Variants in NCKAP5 observed in about 807,000 individuals in gnomAD.
NCKAP5 encodes nck-associated protein 5.
A neutral mutation model predicts 167.0 loss-of-function variants in NCKAP5; 92 were observed. The ratio of observed to expected loss-of-function variants is 0.55; its 90% confidence interval spans 0.47 to 0.66. The LOEUF (loss-of-function observed/expected upper bound fraction) is 0.66. Ranked by LOEUF, NCKAP5 falls within the 30% of genes least tolerant of loss-of-function variation. NCKAP5 has a pLI of 0.00. For synonymous variants in NCKAP5, 891 were observed against 877.4 expected, an observed-to-expected ratio of 1.02 and a Z score of -0.27; for missense variants, 2,378 against 2,315.0, an observed-to-expected ratio of 1.03 and a Z score of -0.56.
intron 8 of NCKAP5, among the ~76,000 whole-genome samples, chr2:132,889,961 G>C (rs1195058288): frequency 6.6e-6 from 1 of 152,174 alleles, no homozygotes; most frequent in Non-Finnish European, 1.5e-5. Context: ...CAAAAAGAGA[G>C]AGAAAGAGAA....
chr2:133,035,503 T>C lies in NCKAP5; in HGVS notation c.342-41264A>G, dbSNP rs185396981. Among the ~76,000 whole-genome samples the C allele has an allele frequency of 3.2e-3, 492 of 152,196 alleles. 3 individuals carry two copies. Among genetic ancestry groups the C allele is most frequent in the African/African-American group, 0.011 (453 of 41,588 alleles). On this transcript the variant is annotated intron_variant, in intron 6 of 19. Transcript: ENST00000409261. ...GTATCACTCTCAAGGACAGCCCATA[T>C]GTTACGTAACAAAACAAGTCTGAAA...
chr2:132,773,963 A>C (rs531134184), intron 15 of NCKAP5, 69 bp from the exon 16 acceptor site: 1 of 1,302,806 alleles, frequency 7.7e-7, no homozygotes, highest in African/African-American at 1.5e-5. Context: ...CAATCCTCAG[A>C]GTAATGGTAC....
chr2:133,664,796 C>T, the NCKAP5 span, among the ~76,000 whole-genome samples: 1 of 152,152 alleles, frequency 6.6e-6, no homozygotes, highest in African/African-American at 2.4e-5. Context: ...CCGCACCCAG[C>T]CGAAAATCTG....
At chr2:133,548,130 A>G (rs1476497912) in intron 2 of NCKAP5, among the ~76,000 whole-genome samples, 1 of 150,568 alleles carries the variant, frequency 6.6e-6, no homozygotes, top group Non-Finnish European at 1.5e-5. Flanking sequence ...GGGTATCAGC[A>G]ATGGAAGATG....
chr2:133,191,528 T>C (rs1291260752), intron 5 of NCKAP5, among the ~76,000 whole-genome samples: 1 of 152,130 alleles, frequency 6.6e-6, no homozygotes, highest in African/African-American at 2.4e-5. Flanking sequence ...TAAATGTCCA[T>C]GAATGATAGA....
At chr2:133,496,162 G>A (rs933373192) in intron 3 of NCKAP5, among the ~76,000 whole-genome samples, 2 of 152,068 alleles carry the variant, frequency 1.3e-5, no homozygotes, top group Non-Finnish European at 2.9e-5. Context: ...GATTGATTAC[G>A]AAGGGATTAC....
intron 3 of NCKAP5, among the ~76,000 whole-genome samples, chr2:133,477,779 T>C (rs1336304767): frequency 1.3e-5 from 2 of 152,152 alleles, no homozygotes; most frequent in South Asian, 2.1e-4. Context: ...AAGTGACTCA[T>C]GGGTGTGTGG....
chr2:133,327,720 T>C (rs944067313), intron 3 of NCKAP5, among the ~76,000 whole-genome samples: 1 of 152,208 alleles, frequency 6.6e-6, no homozygotes, highest in Non-Finnish European at 1.5e-5. Flanking sequence ...TCTTTGTTAA[T>C]TGCTTCAATA....
At chr2:133,570,555 A>G (rs1285385961), upstream of NCKAP5, among the ~76,000 whole-genome samples, 3 of 152,172 alleles carry the variant, frequency 2.0e-5, no homozygotes, top group African/African-American at 7.2e-5. Flanking sequence ...TTCCCCTTAT[A>G]TTTGAGGACT....
At chr2:133,166,942 G>T (rs1267953846) in intron 5 of NCKAP5, among the ~76,000 whole-genome samples, 2 of 152,098 alleles carry the variant, frequency 1.3e-5, no homozygotes, top group African/African-American at 4.8e-5. Flanking sequence ...TAGATGACAG[G>T]ATTACCTACT....
chr2:133,150,564 C>A (rs867184144), intron 5 of NCKAP5, among the ~76,000 whole-genome samples: 1 of 152,054 alleles, frequency 6.6e-6, no homozygotes, highest in African/African-American at 2.4e-5. Flanking sequence ...TACATTTTTA[C>A]CTCCTAGTTC....
chr2:132,814,464 A>C (rs994183086), intron 11 of NCKAP5, among the ~76,000 whole-genome samples: 1 of 152,196 alleles, frequency 6.6e-6, no homozygotes, highest in Non-Finnish European at 1.5e-5. Context: ...TGCAAAATAC[A>C]TTTCACTAAG....
chr2:133,553,839 G>A (rs552408170), intron 2 of NCKAP5, among the ~76,000 whole-genome samples: 2 of 152,324 alleles, frequency 1.3e-5, no homozygotes, highest in East Asian at 3.9e-4. Context: ...CTATTGCTGT[G>A]TAACAAGTTA....
intron 7 of NCKAP5, among the ~76,000 whole-genome samples, chr2:132,982,795 T>C (rs755194806): frequency 1.3e-5 from 2 of 152,218 alleles, no homozygotes; most frequent in Non-Finnish European, 2.9e-5. Context: ...TACAGGATAA[T>C]GTAGGATAAT....
chr2:133,352,019 A>G (rs1684397265), intron 3 of NCKAP5, among the ~76,000 whole-genome samples: 1 of 151,998 alleles, frequency 6.6e-6, no homozygotes, highest in African/African-American at 2.4e-5. Flanking sequence ...ATTTTCTATG[A>G]AAAAAAATGC....
intron 3 of NCKAP5, among the ~76,000 whole-genome samples, chr2:133,474,268 A>G (rs1679647248): frequency 1.3e-5 from 2 of 152,124 alleles, no homozygotes; most frequent in Non-Finnish European, 2.9e-5. Flanking sequence ...GGACCTGGAG[A>G]ACATTATACT....
intron 4 of NCKAP5, among the ~76,000 whole-genome samples, chr2:133,249,249 A>T (rs985984312): frequency 2.6e-5 from 4 of 152,170 alleles, no homozygotes; most frequent in African/African-American, 7.2e-5. Context: ...GCTCAATGCA[A>T]TTAACAAAGG....
intron 2 of NCKAP5, among the ~76,000 whole-genome samples, chr2:133,533,494 G>A (rs929773972): frequency 2.0e-5 from 3 of 152,130 alleles, no homozygotes; most frequent in Non-Finnish European, 2.9e-5. Context: ...TTTAAAGTTT[G>A]AATTAATGTA....
In NCKAP5 at chr2:133,354,784, C is replaced by A. The variant is rs868119190; in HGVS notation, c.70-51674G>T. Among the ~76,000 whole-genome samples, 36 of 152,246 alleles carry A rather than the reference C, an allele frequency of 2.4e-4. 1 individual carries two copies. Among genetic ancestry groups the A allele is most frequent in the African/African-American group, 7.9e-4 (33 of 41,536 alleles). ...AGTTATACAGGAAGCATCCCAAAAT[C>A]TTAGAAAATAATGCTTGGTCAATAG... On this transcript the variant is annotated intron_variant, in intron 3 of 19. Coordinates refer to ENST00000409261, the MANE Select transcript of NCKAP5 (RefSeq NM_207363.3).
Sources: allele counts gnomAD v4.1 joint callset (sites outside exome capture counted in the v4.1 genomes callset), GRCh38; gene constraint gnomAD v4.1.1; transcripts MANE v1.5; gene names NCBI Gene and HGNC (gene_info 2026-07-23, HGNC 2026-07-21).